The following PAPPA2 variants were observed in gnomAD, a reference collection of about 807,000 sequenced individuals.
PAPPA2 encodes pappalysin-2.
In PAPPA2, 86 loss-of-function variants were observed where a neutral mutation model predicts 176.4. The observed-to-expected ratio is 0.49, with a 90% CI of 0.41 to 0.58. The LOEUF (loss-of-function observed/expected upper bound fraction) is 0.58, where lower values mean the gene tolerates loss of function less well. Among genes scored for constraint, PAPPA2 ranks in the 20% least tolerant of loss-of-function variants. The pLI is 0.00. For missense variants in PAPPA2, 2,073 were observed against 2,256.9 expected (o/e 0.92, Z 1.65); for synonymous variants, 809 against 852.2 (o/e 0.95, Z 0.88).
At chr1:176,661,025 T>G (rs1387567415) in intron 3 of PAPPA2, among the ~76,000 whole-genome samples, 2 of 152,134 alleles carry the variant, frequency 1.3e-5, no homozygotes, top group Non-Finnish European at 2.9e-5. Flanking sequence ...CAGGTCTTTT[T>G]GGGGTCTTAT....
At chr1:176,642,059 T>C (rs1657124403) in intron 3 of PAPPA2, among the ~76,000 whole-genome samples, 1 of 151,946 alleles carries the variant, frequency 6.6e-6, no homozygotes, top group South Asian at 2.1e-4. Context: ...CAGAATTTTC[T>C]TTTCATTTTA....
intron 3 of PAPPA2, chr1:176,616,776 T>G: frequency 8.7e-6 from 9 of 1,029,050 alleles, no homozygotes; most frequent in Non-Finnish European, 1.3e-5. Context: ...AGCTGGGTGG[T>G]TCATTCGAGG....
chr1:176,632,488 CA>C (rs1235685443), intron 3 of PAPPA2, among the ~76,000 whole-genome samples: 7 of 151,864 alleles, frequency 4.6e-5, no homozygotes, highest in African/African-American at 9.7e-5. Flanking sequence ...GAGATCGCGC[CA>C]CTGCACTCCA....
chr1:176,598,511 A>G (rs1161310647), intron 3 of PAPPA2, among the ~76,000 whole-genome samples: 1 of 152,066 alleles, frequency 6.6e-6, no homozygotes. Flanking sequence ...CTATTCTATT[A>G]TTATATTTCT....
intron 4 of PAPPA2, among the ~76,000 whole-genome samples, chr1:176,673,067 G>A (rs1659099736): frequency 2.0e-5 from 3 of 152,102 alleles, no homozygotes; most frequent in Admixed American, 2.0e-4. Flanking sequence ...TTCTGGGTGG[G>A]ATGAGACATT....
At chr1:176,525,258 C>T (rs1284361265) in intron 1 of PAPPA2, among the ~76,000 whole-genome samples, 2 of 152,182 alleles carry the variant, frequency 1.3e-5, no homozygotes, top group Non-Finnish European at 2.9e-5. Flanking sequence ...CTCAGTTGAG[C>T]AAGACTCTTC....
chr1:176,540,201 G>C (rs943028511), intron 1 of PAPPA2, among the ~76,000 whole-genome samples: 1 of 152,188 alleles, frequency 6.6e-6, no homozygotes, highest in Non-Finnish European at 1.5e-5. Context: ...GGGTCATTGG[G>C]TAGAAAGACG....
At position 176,739,643 on chromosome 1, in the gene PAPPA2, A is replaced by T; in HGVS notation, c.3816A>T (p.Pro1272=). Residue 1272 remains proline (P), a synonymous_variant, in exon 13 of 23, where the codon CCA becomes CCT. Coordinates refer to ENST00000367662, the MANE Select transcript of PAPPA2 (RefSeq NM_020318.3). Reference sequence around the variant, plus strand: ...ATGCTTAGGTGTGTTTCAATAGACCAGGAGAGGCCAGAGCAATTTTTATTT... The same window carrying T: ...ATGCTTAGGTGTGTTTCAATAGACCTGGAGAGGCCAGAGCAATTTTTATTT... ...EVWLKVCFNR[P]GEARAIFIFL... is the part of the protein sequence containing the mutation. The T allele has an allele frequency of 6.2e-7, 1 of 1,613,476 alleles. No homozygotes were observed. The highest frequency in any genetic ancestry group is 8.5e-7 in the Non-Finnish European group (1 of 1,179,556).
intron 3 of PAPPA2, among the ~76,000 whole-genome samples, chr1:176,650,395 TTTTA>T (rs754304102): frequency 1.8e-4 from 27 of 151,282 alleles, no homozygotes; most frequent in South Asian, 4.2e-4. Context: ...TTCTATTTCT[TTTTA>T]TTTATTTATT....
At chr1:176,620,096 A>G (rs893445526) in intron 3 of PAPPA2, among the ~76,000 whole-genome samples, 1 of 152,214 alleles carries the variant, frequency 6.6e-6, no homozygotes, top group East Asian at 1.9e-4. Context: ...CCTGGTGAGC[A>G]TCAGCTTTCT....
chr1:176,699,309 A>G lies in PAPPA2; in HGVS notation c.2956A>G (p.Ile986Val), dbSNP rs1234955482. Reference protein sequence around the residue: ...ESSQVLFDTEILLENKESVHL... With the variant: ...ESSQVLFDTEVLLENKESVHL... ...CTCGCAGGTCCTCTTTGACACAGAG[A>G]TCTTGCTGGAAAACAAGGAGTCAGT... Residue 986 changes from isoleucine (I) to valine (V), a missense_variant, in exon 8 of 23, where the codon ATC (isoleucine) becomes GTC (valine). Physicochemically the swap from Ile to Val is conservative, Grantham distance 29. Coordinates refer to ENST00000367662, the MANE Select transcript of PAPPA2 (RefSeq NM_020318.3). 2 of 1,614,152 alleles carry G rather than the reference A, an allele frequency of 1.2e-6. No homozygotes were observed. Among genetic ancestry groups the G allele is most frequent in the Non-Finnish European group, 8.5e-7 (1 of 1,180,020 alleles).
At chr1:176,562,496 C>T (rs1651734667) in intron 2 of PAPPA2, among the ~76,000 whole-genome samples, 3 of 152,180 alleles carry the variant, frequency 2.0e-5, no homozygotes, top group Admixed American at 6.5e-5. Context: ...ATGGCCCTCT[C>T]CTCAGTTGCT....
chr1:176,691,988 T>C (rs1051343176), intron 5 of PAPPA2, 138 bp from the exon 6 acceptor site: 1 of 773,104 alleles, frequency 1.3e-6, no homozygotes, highest in African/African-American at 1.8e-5. Context: ...TTGCATTTGT[T>C]CATTCATTCA....
Position 176,639,776 on chromosome 1 carries a change from G to A in PAPPA2, c.1992-31194G>A, listed in dbSNP as rs1003193656. 6.6e-5 allele frequency among the ~76,000 whole-genome samples: 10 copies of A among 150,492 alleles called. No individual in the cohort carries two copies. In the Admixed American group the frequency reaches 6.7e-4, roughly 10 times the overall value. ...GTTGCCCAGGCTGGAGTGCAATGGC[G>A]AGATCTTGGCTCACTGCAACCTCCG... is the stretch of plus-strand genomic sequence containing the variant. On this transcript the variant is annotated intron_variant, in intron 3 of 22. Transcript: ENST00000367662.
In PAPPA2 at chr1:176,837,274, G is replaced by A. The variant is rs147081766; in HGVS notation, c.5203-2899G>A. Reference sequence around the variant, plus strand: ...ACGTCATAAGAAGAGTAGTCCAAGCGCTCTCTCAGATTTAAGTATTCACTG... The same window carrying A: ...ACGTCATAAGAAGAGTAGTCCAAGCACTCTCTCAGATTTAAGTATTCACTG... On this transcript the variant is annotated intron_variant, in intron 21 of 22. Coordinates refer to ENST00000367662, the MANE Select transcript of PAPPA2 (RefSeq NM_020318.3). 3.7e-4 allele frequency among the ~76,000 whole-genome samples: 57 copies of A among 152,154 alleles called. 1 individual carries two copies. The highest frequency in any genetic ancestry group is 6.8e-3 in the Middle Eastern group (2 of 294).
At chr1:176,738,337 C>T (rs1253131418) in intron 12 of PAPPA2, among the ~76,000 whole-genome samples, 6 of 152,050 alleles carry the variant, frequency 3.9e-5, no homozygotes, top group East Asian at 3.9e-4. Context: ...AAGGGAGAGC[C>T]GTGCTGCTTT....
intron 12 of PAPPA2, among the ~76,000 whole-genome samples, chr1:176,719,489 C>T (rs778758181): frequency 6.4e-4 from 98 of 152,294 alleles, no homozygotes; most frequent in Non-Finnish European, 1.6e-4. Flanking sequence ...TTTGAATCCA[C>T]TTCCAGCATT....
At chr1:176,814,977 A>C (rs1194405791) in intron 21 of PAPPA2, among the ~76,000 whole-genome samples, 1 of 152,142 alleles carries the variant, frequency 6.6e-6, no homozygotes, top group Non-Finnish European at 1.5e-5. Context: ...TAGTTTATGG[A>C]GAGTTTTTAA....
chr1:176,486,311 A>G (rs1176957675), intron 1 of PAPPA2, among the ~76,000 whole-genome samples: 1 of 152,224 alleles, frequency 6.6e-6, no homozygotes, highest in East Asian at 1.9e-4. Flanking sequence ...TTAAAAAATC[A>G]AAGAATTAAT....
Sources: allele counts gnomAD v4.1 joint callset (sites outside exome capture counted in the v4.1 genomes callset), GRCh38; gene constraint gnomAD v4.1.1; transcripts MANE v1.5; gene names NCBI Gene and HGNC (gene_info 2026-07-23, HGNC 2026-07-21).